Variants in ZNFX1 observed in about 807,000 individuals in gnomAD.
The protein encoded by ZNFX1 is zinc finger NFX1-type containing 1.
In ZNFX1, 78 loss-of-function variants were observed where a neutral mutation model predicts 179.8. That is an observed-to-expected ratio of 0.43 (90% CI 0.36 to 0.52). ZNFX1 has a LOEUF of 0.52. Ranked by LOEUF, ZNFX1 falls within the 20% of genes least tolerant of loss-of-function variation. The pLI is 0.00. For missense variants in ZNFX1, 1,927 were observed against 2,386.6 expected (o/e 0.81, Z 4.01); for synonymous variants, 848 against 868.5 (o/e 0.98, Z 0.42).
chr20:49,254,029 CTT>C lies in ZNFX1; in HGVS notation c.2960-220_2960-219del, dbSNP rs11324394. On this transcript the variant is annotated intron_variant, in intron 10 of 13. Transcript: ENST00000396105. ...GAGAAAGTGAGTGAATTTCTTTTTT[CTT>C]TTTTTTTTTTTCTTTGAGACAGTCT... 4.5e-4 allele frequency among the ~76,000 whole-genome samples: 66 copies of C among 145,734 alleles called. No individual in the cohort carries two copies. In the Middle Eastern group the frequency reaches 0.01, roughly 23 times the overall value.
At position 49,248,604 on chromosome 20, in the gene ZNFX1, T is replaced by C. The variant is rs375141509; in HGVS notation, c.4420A>G (p.Lys1474Glu). 24 of 1,614,136 alleles carry C rather than the reference T, an allele frequency of 1.5e-5. No individual in the cohort carries two copies. Among genetic ancestry groups the C allele is most frequent in the Middle Eastern group, 3.3e-4 (2 of 6,062 alleles). The change falls in exon 14 of 14, where the codon AAG (lysine) becomes GAG (glutamate). Residue 1474 changes from lysine (K) to glutamate (E), a missense_variant. Transcript: ENST00000396105. The surrounding 1 kb of genome is among the most constrained non-coding windows in gnomAD (Gnocchi z 4.6). ...TCACCAATGCATGGTTCCTGGCACT[T>C]GTGTGAGCAGATAAGCAGGCGCTTG... ...PCKRLLICSH[K>E]CQEPCIGECP...
intron 7 of ZNFX1, 147 bp downstream of exon 7, chr20:49,260,316 C>A: frequency 3.0e-6 from 1 of 338,044 alleles, no homozygotes; most frequent in Non-Finnish European, 5.3e-6. Context: ...AGTATTTTAT[C>A]TCTTTTCCTT....
intron 10 of ZNFX1, 90 bp from the exon 11 acceptor site, chr20:49,253,901 T>C (rs1980904215): frequency 1.3e-5 from 20 of 1,484,478 alleles, no homozygotes; most frequent in Non-Finnish European, 1.7e-5. Flanking sequence ...CTTCTGTATC[T>C]TCCCTGAACC....
chr20:49,249,423 G>A lies in ZNFX1; in HGVS notation c.3601C>T (p.Arg1201Trp), dbSNP rs779624199. 3.1e-6 allele frequency: 5 copies of A among 1,614,128 alleles called. No homozygotes were observed. Among genetic ancestry groups the A allele is most frequent in the South Asian group, 1.1e-5 (1 of 91,094 alleles). Residue 1201 changes from arginine to tryptophan, a missense_variant, in exon 14 of 14, where the codon CGG becomes TGG. Arg to Trp is a moderately radical substitution (Grantham distance 101). Coordinates refer to ENST00000396105, the MANE Select transcript of ZNFX1 (RefSeq NM_021035.3). ...ENDIILLSLV[R>W]SNQEGKVGFL... ...CCCACCTTGCCTTCTTGGTTGCTCCGCACTAGCGAGAGGAGGATGATGTCA... is the reference window on the plus strand; with the variant it reads ...CCCACCTTGCCTTCTTGGTTGCTCCACACTAGCGAGAGGAGGATGATGTCA...
chr20:49,248,391 C>A lies in ZNFX1; in HGVS notation c.4633G>T (p.Val1545Phe). 6.2e-7 allele frequency: 1 copy of A among 1,611,108 alleles called. No individual in the cohort carries two copies. Among genetic ancestry groups the A allele is most frequent in the East Asian group, 2.2e-5 (1 of 44,806 alleles). ...AGACCAATGCAGGGGTGGCCACAAA[C>A]TAGCAGCTTAGTACAAGGCACATAG... Reference protein sequence around the residue: ...PCYVPCTKLLVCGHPCIGLCG... With the variant: ...PCYVPCTKLLFCGHPCIGLCG... Residue 1545 changes from valine to phenylalanine, a missense_variant, in exon 14 of 14, where the codon GTT becomes TTT. By Grantham distance (50) the Val-to-Phe change is conservative (BLOSUM62 -1). Transcript: ENST00000396105. The surrounding 1 kb of genome is among the most constrained non-coding windows in gnomAD (Gnocchi z 4.6).
rs755800359 is a variant in ZNFX1, at chr20:49,266,318, GTAAT to G, written c.1871-56_1871-53del. On this transcript the variant is annotated intron_variant, in intron 3 of 13. Coordinates refer to ENST00000396105, the MANE Select transcript of ZNFX1 (RefSeq NM_021035.3). ...ACAATTTAGACATTTTCTAAATAAA[GTAAT>G]TACTCAGAGCAAAATCTTTTTTTAA... 5 of 1,520,358 alleles carry G rather than the reference GTAAT, an allele frequency of 3.3e-6. No homozygotes were observed. The South Asian group carries it at 3.8e-5, about 12-fold the overall frequency. 94.2% of individuals were successfully genotyped at this position (1,520,358 alleles called of 1,614,324 possible). A position where few individuals can be genotyped will look rare whatever the true frequency, so the allele number is the denominator to read the frequency against.
intron 7 of ZNFX1, 41 bp downstream of exon 7, chr20:49,260,422 C>G (rs1420857882): frequency 5.0e-6 from 7 of 1,390,842 alleles, no homozygotes; most frequent in Non-Finnish European, 6.0e-6. Flanking sequence ...TTACTATATT[C>G]TACGTTAAGA....
chr20:49,273,508 A>G (rs190219), intron 2 of ZNFX1, among the ~76,000 whole-genome samples: 4,115 of 152,276 alleles, frequency 0.027, 193 homozygotes, highest in African/African-American at 0.093. Flanking sequence ...AATTTTTATA[A>G]TTGTTACTTA....
At chr20:49,256,331 C>A (rs1449435113) in intron 8 of ZNFX1, among the ~76,000 whole-genome samples, 3 of 152,190 alleles carry the variant, frequency 2.0e-5, no homozygotes, top group Non-Finnish European at 4.4e-5. Flanking sequence ...CATTAAACAT[C>A]TTTGACCATA....
rs753878365 is a variant in ZNFX1 at position 49,248,718 on chromosome 20, C to T, written c.4306G>A (p.Gly1436Ser). ...GGATGCCCGCAGTCCAAGATAGTGC[C>T]ACACTTTGTGGTACACTTGACTAGC... The part of the protein sequence containing the change: ...GLLVKCTTKC[G>S]TILDCGHPCP... The change falls in exon 14 of 14, where the codon GGC becomes AGC. Residue 1436 changes from glycine (G) to serine (S), a missense_variant. By Grantham distance (56) the Gly-to-Ser change is moderately conservative. Transcript: ENST00000396105. The surrounding 1 kb of genome is among the most constrained non-coding windows in gnomAD (Gnocchi z 4.6). 1 of 1,612,886 alleles carries T rather than the reference C, an allele frequency of 6.2e-7. No individual in the cohort carries two copies. The highest frequency in any genetic ancestry group is 1.1e-5 in the South Asian group (1 of 91,090).
In ZNFX1 at chr20:49,248,524, C is replaced by T; in HGVS notation, c.4500G>A (p.Lys1500=). 1 of 1,614,220 alleles carries T rather than the reference C, an allele frequency of 6.2e-7. No individual in the cohort carries two copies. The highest frequency in any genetic ancestry group is 1.3e-5 in the African/African-American group (1 of 75,068). ...GACTACACAGCTCCCCACATTTCTT[C>T]TTGCACTGGCTGTGGACACAGCGGT... The part of the protein sequence containing the change: ...CQNRCVHSQC[K]KKCGELCSPC... The change falls in exon 14 of 14, where the codon AAG becomes AAA. Residue 1500 remains lysine, a synonymous_variant. Coordinates refer to ENST00000396105, the MANE Select transcript of ZNFX1 (RefSeq NM_021035.3). The surrounding 1 kb of genome is among the most constrained non-coding windows in gnomAD (Gnocchi z 4.6).
intron 2 of ZNFX1, among the ~76,000 whole-genome samples, chr20:49,274,897 C>T (rs1251783898): frequency 2.6e-5 from 4 of 151,588 alleles, no homozygotes; most frequent in African/African-American, 7.3e-5. Flanking sequence ...CCGAGGCAGG[C>T]GGATCACGAG....
rs565548235 is a variant in ZNFX1 at position 49,251,596 on chromosome 20, G to A, written c.3243C>T (p.Arg1081=). The A allele has an allele frequency of 1.2e-6, 2 of 1,612,726 alleles. No individual in the cohort carries two copies. The highest frequency in any genetic ancestry group is 1.1e-5 in the South Asian group (1 of 90,872). Residue 1081 remains arginine, a synonymous_variant, in exon 13 of 14, where the codon CGC becomes CGT. Transcript: ENST00000396105. ...CCTGGTAAATGTGGGGGGTCAAAAG[G>A]CGGGCAATTTCAGGGCACATACGGT... ...YQHRMCPEIA[R]LLTPHIYQDL... is the part of the protein sequence containing the mutation.
chr20:49,270,280 T>A lies in ZNFX1; in HGVS notation c.1532A>T (p.Tyr511Phe), dbSNP rs766909327. The A allele has an allele frequency of 6.2e-7, 1 of 1,614,090 alleles. No homozygotes were observed. The highest frequency in any genetic ancestry group is 1.7e-5 in the Admixed American group (1 of 60,030). Residue 511 changes from tyrosine to phenylalanine, a missense_variant, in exon 3 of 14, where the codon TAC becomes TTC. By Grantham distance (22) the Tyr-to-Phe change is conservative (BLOSUM62 3). Transcript: ENST00000396105. This position sits in a 1 kb window ranked among gnomAD's most constrained non-coding sequence, Gnocchi z 4.6. ...CAGGACGTGCCTGTAGGCCTCAAAG[T>A]ATGCAGTTGTCTCTACCATGAGGAA... is the stretch of plus-strand genomic sequence containing the variant. ...DSFLMVETTA[Y>F]FEAYRHVLEG...
At chr20:49,257,982 G>T (rs1346454614) in intron 7 of ZNFX1, among the ~76,000 whole-genome samples, 4 of 151,842 alleles carry the variant, frequency 2.6e-5, no homozygotes, top group Non-Finnish European at 4.4e-5. Context: ...AAAGTGCTGG[G>T]ATTACAGGCG....
rs1449427704 is a variant in ZNFX1 at position 49,266,257 on chromosome 20, T to C, written c.1880A>G (p.Tyr627Cys). ...IQGPPGTGKT[Y>C]VGLKIVQALL... ...GGCCTGAACAATTTTTAGACCCACA[T>C]AGGTTTTGCCTAGAAAATAAGGAAA... Residue 627 changes from tyrosine to cysteine, a missense_variant, in exon 4 of 14, where the codon TAT becomes TGT. Transcript: ENST00000396105. 5 of 1,600,450 alleles carry C rather than the reference T, an allele frequency of 3.1e-6. No individual in the cohort carries two copies. The highest frequency in any genetic ancestry group is 1.3e-5 in the African/African-American group (1 of 74,298).
Position 49,249,389 on chromosome 20 carries a change from T to G in ZNFX1, c.3635A>C (p.Gln1212Pro). ...GGCCACACAGATGCGGTTGGATATCTGCAGAAAACCCACCTTGCCTTCTTG... is the reference window on the plus strand; with the variant it reads ...GGCCACACAGATGCGGTTGGATATCGGCAGAAAACCCACCTTGCCTTCTTG... The part of the protein sequence containing the change: ...SNQEGKVGFL[Q>P]ISNRICVALS... The change falls in exon 14 of 14, where the codon CAG becomes CCG. Residue 1212 changes from glutamine to proline, a missense_variant. Coordinates refer to ENST00000396105, the MANE Select transcript of ZNFX1 (RefSeq NM_021035.3). The G allele has an allele frequency of 6.2e-7, 1 of 1,614,248 alleles. No individual in the cohort carries two copies. The highest frequency in any genetic ancestry group is 8.5e-7 in the Non-Finnish European group (1 of 1,180,048).
chr20:49,249,172 G>C lies in ZNFX1; in HGVS notation c.3852C>G (p.Pro1284=), dbSNP rs146923757. The C allele has an allele frequency of 1.2e-5, 20 of 1,614,072 alleles. No individual in the cohort carries two copies. Among genetic ancestry groups the C allele is most frequent in the Non-Finnish European group, 1.5e-5 (18 of 1,180,040 alleles). ...VSKASDFQKV[P]EGGCSLPCEF... is the part of the protein sequence containing the mutation. ...CGCAGGGCAGGCTGCAGCCTCCTTC[G>C]GGTACTTTTTGGAAGTCAGAAGCTT... is the stretch of plus-strand genomic sequence containing the variant. The change falls in exon 14 of 14, where the codon CCC becomes CCG. Residue 1284 remains proline (P), a synonymous_variant. Transcript: ENST00000396105.
At chr20:49,263,982 G>A (rs1568985516) in intron 5 of ZNFX1, among the ~76,000 whole-genome samples, 1 of 152,088 alleles carries the variant, frequency 6.6e-6, no homozygotes, top group Non-Finnish European at 1.5e-5. Context: ...CCAGCACTTT[G>A]GGAGGCCGAG....
Sources: allele counts gnomAD v4.1 joint callset (sites outside exome capture counted in the v4.1 genomes callset), GRCh38; gene constraint gnomAD v4.1.1; non-coding constraint Gnocchi (gnomAD v3.1); transcripts MANE v1.5; gene names NCBI Gene and HGNC (gene_info 2026-07-23, HGNC 2026-07-21).